PRP4K: variants seen among roughly 807,000 people sequenced by gnomAD.
PRP4K encodes serine/threonine-protein kinase PRP4 homolog.
At chr6:4,032,124 G>T in the PRP4K span, 1 of 1,613,236 alleles carries the variant, frequency 6.2e-7, no homozygotes, top group Non-Finnish European at 8.5e-7. Flanking sequence ...GAAAAGTAAG[G>T]GGGGTATTGA....
the PRP4K span, among the ~76,000 whole-genome samples, chr6:4,024,714 TG>T: frequency 6.6e-6 from 1 of 152,162 alleles, no homozygotes; most frequent in African/African-American, 2.4e-5. Flanking sequence ...GTGATTCTCC[TG>T]TCTCTGTCTC....
chr6:4,045,745 A>T, the PRP4K span, among the ~76,000 whole-genome samples: 1 of 152,212 alleles, frequency 6.6e-6, no homozygotes, highest in Admixed American at 6.5e-5. Context: ...TTAAAATTTC[A>T]GTGGTTGTTT....
At chr6:4,032,658 T>TC in the PRP4K span, 1 of 1,613,254 alleles carries the variant, frequency 6.2e-7, no homozygotes, top group Non-Finnish European at 8.5e-7. Flanking sequence ...GCAGAGCAAA[T>TC]CCCCCTCGCG....
chr6:4,037,488 A>G, the PRP4K span: 5 of 1,614,108 alleles, frequency 3.1e-6, no homozygotes, highest in South Asian at 1.1e-5. Context: ...AAGAAGAAGT[A>G]GATCTCCCAT....
the PRP4K span, among the ~76,000 whole-genome samples, chr6:4,028,056 A>G: frequency 6.6e-6 from 1 of 152,300 alleles, no homozygotes; most frequent in East Asian, 1.9e-4. Context: ...CTTCTGGATT[A>G]TGGGATGGGA....
At chr6:4,051,785 T>C in the PRP4K span, among the ~76,000 whole-genome samples, 14 of 152,336 alleles carry the variant, frequency 9.2e-5, no homozygotes, top group Non-Finnish European at 2.9e-5. Context: ...TAAAGTGTTA[T>C]GTGAATGATA....
chr6:4,051,050 C>T, the PRP4K span, among the ~76,000 whole-genome samples: 1 of 152,104 alleles, frequency 6.6e-6, no homozygotes, highest in Non-Finnish European at 1.5e-5. Context: ...GCTGGGATTA[C>T]AGGCGCCCAC....
the PRP4K span, among the ~76,000 whole-genome samples, chr6:4,046,660 CTTT>C: frequency 4.2e-5 from 6 of 141,838 alleles, no homozygotes; most frequent in Non-Finnish European, 4.6e-5. Context: ...GGTCTTTCAA[CTTT>C]TTTTTTTTTT....
the PRP4K span, chr6:4,061,935 C>G: frequency 1.3e-5 from 2 of 152,426 alleles, no homozygotes; most frequent in African/African-American, 4.8e-5. Flanking sequence ...AAGTTTTTGT[C>G]TTCAGTGCTG....
the PRP4K span, among the ~76,000 whole-genome samples, chr6:4,059,329 A>T: frequency 6.6e-6 from 1 of 151,888 alleles, no homozygotes; most frequent in Non-Finnish European, 1.5e-5. Flanking sequence ...TTGCTAACAG[A>T]CCTCCCTGAG....
the PRP4K span, chr6:4,047,328 A>C: frequency 2.7e-6 from 3 of 1,121,056 alleles, no homozygotes; most frequent in Non-Finnish European, 3.9e-6. Flanking sequence ...GAGAAAGAAG[A>C]ATAAAGCAAA....
chr6:4,037,276 AT>A, the PRP4K span: 1 of 944,916 alleles, frequency 1.1e-6, no homozygotes, highest in Non-Finnish European at 1.5e-6. Context: ...TACAAAACAC[AT>A]TAATCAAAGT....
the PRP4K span, chr6:4,032,680 C>T: frequency 2.5e-6 from 4 of 1,612,272 alleles, no homozygotes; most frequent in Non-Finnish European, 3.4e-6. Flanking sequence ...ACACTGTCTC[C>T]TGGGAGAAGA....
At chr6:4,029,145 A>C in the PRP4K span, among the ~76,000 whole-genome samples, 7 of 150,396 alleles carry the variant, frequency 4.7e-5, no homozygotes, top group Non-Finnish European at 1.0e-4. Flanking sequence ...CAGCCTCCTG[A>C]GTAGCTGGGA....
the PRP4K span, among the ~76,000 whole-genome samples, chr6:4,030,538 A>G: frequency 7.8e-4 from 119 of 152,368 alleles, no homozygotes; most frequent in Admixed American, 7.7e-3. Context: ...CTTTTGAACC[A>G]GTATTTAACT....
chr6:4,045,625 T>C, the PRP4K span, among the ~76,000 whole-genome samples: 1 of 152,228 alleles, frequency 6.6e-6, no homozygotes, highest in Non-Finnish European at 1.5e-5. Context: ...TTTCTATCTC[T>C]TATTACAGTG....
chr6:4,023,142 TTGGTATGAAAGCAAACTATGCC>T, the PRP4K span, among the ~76,000 whole-genome samples: 1 of 152,178 alleles, frequency 6.6e-6, no homozygotes, highest in Admixed American at 6.6e-5. Context: ...AGATAACCAT[TTGGTATGAAAGCAAACTATGCC>T]TGGTGCTCAT....
the PRP4K span, chr6:4,037,363 ATAT>A: frequency 1.2e-5 from 18 of 1,505,126 alleles, no homozygotes; most frequent in African/African-American, 2.1e-4. Context: ...ACTTTGATTT[ATAT>A]TTCTTTTAAC....
chr6:4,024,904 G>C, the PRP4K span, among the ~76,000 whole-genome samples: 1 of 152,100 alleles, frequency 6.6e-6, no homozygotes, highest in Non-Finnish European at 1.5e-5. Flanking sequence ...GCACCTGACC[G>C]TGACTATGTT....
Sources: gnomAD v4.1 joint callset for allele counts (sites outside exome capture counted in the v4.1 genomes callset) on GRCh38, gnomAD v4.1.1 for gene constraint, MANE v1.5 for transcripts, NCBI Gene and HGNC (gene_info 2026-07-23, HGNC 2026-07-21) for gene names.